Variants in STK32A observed in about 807,000 individuals in gnomAD.
STK32A encodes serine/threonine-protein kinase 32A.
STK32A carries 41 observed loss-of-function variants against 53.2 expected under a neutral mutation model. That is an observed-to-expected ratio of 0.77 (90% CI 0.60 to 1.00). The LOEUF (loss-of-function observed/expected upper bound fraction) is 1.00, where lower values mean the gene tolerates loss of function less well. Ranked by LOEUF, STK32A falls within the 50% of genes least tolerant of loss-of-function variation. The pLI, the probability that STK32A is intolerant of heterozygous loss-of-function variation, is 0.00. For synonymous variants in STK32A, 166 were observed against 162.8 expected (o/e 1.02, Z -0.15); for missense variants, 458 against 485.8 (o/e 0.94, Z 0.54).
intron 2 of STK32A, among the ~76,000 whole-genome samples, chr5:147,272,054 C>A (rs1755061247): frequency 6.6e-6 from 1 of 152,238 alleles, no homozygotes; most frequent in Admixed American, 6.5e-5. Context: ...GATGTCTCCC[C>A]CGGATGTCCA....
intron 5 of STK32A, among the ~76,000 whole-genome samples, chr5:147,327,016 G>A (rs1177068987): frequency 6.6e-6 from 1 of 152,172 alleles, no homozygotes; most frequent in Non-Finnish European, 1.5e-5. Flanking sequence ...ACCATGCCCA[G>A]CTTCAAATAG....
chr5:147,305,071 A>G (rs1753336540), intron 4 of STK32A, among the ~76,000 whole-genome samples: 1 of 152,078 alleles, frequency 6.6e-6, no homozygotes, highest in Admixed American at 6.6e-5. Flanking sequence ...GTGACAGGGC[A>G]AGACTCTGCT....
At chr5:147,366,880 T>C (rs1394989973) in intron 8 of STK32A, among the ~76,000 whole-genome samples, 1 of 152,150 alleles carries the variant, frequency 6.6e-6, no homozygotes, top group Non-Finnish European at 1.5e-5. Flanking sequence ...TGAGCCTTTT[T>C]TTTTTTCATT....
rs528222282 is a variant in STK32A at position 147,271,488 on chromosome 5, G to A, written c.53-6636G>A. Among the ~76,000 whole-genome samples, 30 of 152,276 alleles carry A rather than the reference G, an allele frequency of 2.0e-4. 1 individual carries two copies. The South Asian group carries it at 5.2e-3, about 26-fold the overall frequency. ...AGAACAAGATAACAGCAATGTTCAG[G>A]GAATAAGAGAGATAACCTTAAACTC... On this transcript the variant is annotated intron_variant, in intron 2 of 12. Coordinates refer to ENST00000397936, the MANE Select transcript of STK32A (RefSeq NM_001112724.2).
At chr5:147,318,275 G>GA (rs1487713036) in intron 4 of STK32A, among the ~76,000 whole-genome samples, 4 of 151,796 alleles carry the variant, frequency 2.6e-5, no homozygotes, top group Non-Finnish European at 5.9e-5. Flanking sequence ...GAAATGCAAA[G>GA]AAAAAAAGAA....
chr5:147,363,269 T>C (rs1402276343), intron 8 of STK32A, among the ~76,000 whole-genome samples: 1 of 152,036 alleles, frequency 6.6e-6, no homozygotes, highest in African/African-American at 2.4e-5. Context: ...AATTCTATTA[T>C]ATCTTAAAAC....
chr5:147,379,094 T>C (rs1314455283), intron 11 of STK32A, among the ~76,000 whole-genome samples: 2 of 151,836 alleles, frequency 1.3e-5, no homozygotes, highest in East Asian at 3.9e-4. Context: ...CCTCTCTGAT[T>C]TCCTTGAGCA....
intron 2 of STK32A, among the ~76,000 whole-genome samples, chr5:147,259,887 CTCTT>C (rs1223493215): frequency 2.8e-5 from 4 of 143,756 alleles, no homozygotes; most frequent in Admixed American, 6.9e-5. Context: ...TCCTGTCTCT[CTCTT>C]TCTCTCTCCT....
chr5:147,401,252 G>A, the STK32A span, among the ~76,000 whole-genome samples: 1 of 152,202 alleles, frequency 6.6e-6, no homozygotes. Flanking sequence ...TCATAAAGTT[G>A]TTAGGAGAAA....
At chr5:147,313,181 A>T (rs753963206) in intron 4 of STK32A, among the ~76,000 whole-genome samples, 11 of 152,106 alleles carry the variant, frequency 7.2e-5, no homozygotes, top group Non-Finnish European at 1.6e-4. Flanking sequence ...GCTGCGGGGA[A>T]CTATGAATAT....
intron 4 of STK32A, among the ~76,000 whole-genome samples, chr5:147,298,140 A>T (rs1006278438): frequency 6.6e-6 from 1 of 152,188 alleles, no homozygotes; most frequent in African/African-American, 2.4e-5. Flanking sequence ...TTTAAAAATT[A>T]TCTTCCTAGG....
intron 4 of STK32A, among the ~76,000 whole-genome samples, chr5:147,284,601 T>C (rs10054701): frequency 0.66 from 99,572 of 151,212 alleles, 33,094 homozygotes; most frequent in Admixed American, 0.76. Flanking sequence ...CAGTAGCTCT[T>C]CTATACACCA....
chr5:147,395,517 C>A, the STK32A span: 1 of 1,573,150 alleles, frequency 6.4e-7, no homozygotes, highest in Non-Finnish European at 8.6e-7. Context: ...TGATCTTCCC[C>A]TTCCCCCTTC....
chr5:147,284,375 T>C (rs1752217537), intron 4 of STK32A, among the ~76,000 whole-genome samples: 1 of 151,978 alleles, frequency 6.6e-6, no homozygotes, highest in East Asian at 1.9e-4. Context: ...CTCTCACTGC[T>C]CCTCTTCAAT....
At chr5:147,316,958 T>G (rs1561715160) in intron 4 of STK32A, among the ~76,000 whole-genome samples, 2 of 151,818 alleles carry the variant, frequency 1.3e-5, no homozygotes, top group Admixed American at 1.3e-4. Context: ...CAAGTTTCTC[T>G]GTATAAAAGT....
At chr5:147,399,418 G>A in the STK32A span, among the ~76,000 whole-genome samples, 1 of 152,180 alleles carries the variant, frequency 6.6e-6, no homozygotes, top group Admixed American at 6.5e-5. Context: ...CGAATTAGCT[G>A]GGCTGTCGTG....
chr5:147,295,276 C>G (rs1473931045), intron 4 of STK32A, among the ~76,000 whole-genome samples: 1 of 152,142 alleles, frequency 6.6e-6, no homozygotes, highest in Non-Finnish European at 1.5e-5. Flanking sequence ...CTGAAAAGTT[C>G]ATTTATACAC....
chr5:147,347,110 C>T (rs1197293170), intron 6 of STK32A, among the ~76,000 whole-genome samples: 1 of 152,162 alleles, frequency 6.6e-6, no homozygotes, highest in Non-Finnish European at 1.5e-5. Flanking sequence ...ATATTCTAAA[C>T]ACCTGCGAGT....
chr5:147,358,808 T>G (rs1458794738), intron 7 of STK32A, among the ~76,000 whole-genome samples: 1 of 152,176 alleles, frequency 6.6e-6, no homozygotes, highest in Admixed American at 6.5e-5. Context: ...GCTAGCCAAT[T>G]TATCCACAGT....
Sources: allele counts gnomAD v4.1 joint callset (sites outside exome capture counted in the v4.1 genomes callset), GRCh38; gene constraint gnomAD v4.1.1; transcripts MANE v1.5; gene names NCBI Gene and HGNC (gene_info 2026-07-23, HGNC 2026-07-21).